Variants in MFSD8 observed in about 807,000 individuals in gnomAD.
MFSD8 encodes the protein major facilitator superfamily domain containing 8.
MFSD8 carries 55 observed loss-of-function variants against 66.4 expected under a neutral mutation model. The observed-to-expected ratio is 0.83, with a 90% CI of 0.67 to 1.04. MFSD8 has a LOEUF of 1.04. Ranked by LOEUF, MFSD8 falls within the 50% of genes least tolerant of loss-of-function variation. The pLI, the probability that MFSD8 is intolerant of heterozygous loss-of-function variation, is 0.00. For missense variants in MFSD8, 550 were observed against 627.6 expected, an observed-to-expected ratio of 0.88 and a Z score of 1.32; for synonymous variants, 202 against 212.8, an observed-to-expected ratio of 0.95 and a Z score of 0.44.
intron 7 of MFSD8, among the ~76,000 whole-genome samples, chr4:127,937,573 T>C (rs1022651455): frequency 6.6e-6 from 1 of 152,208 alleles, no homozygotes; most frequent in Non-Finnish European, 1.5e-5. Flanking sequence ...ACACAAATAT[T>C]GTACCTATGA....
At chr4:127,921,820 A>C in intron 10 of MFSD8, 40 bp downstream of exon 10, 1 of 1,613,638 alleles carries the variant, frequency 6.2e-7, no homozygotes, top group African/African-American at 1.3e-5. Context: ...TTTTAGATAA[A>C]TAACAGAGGT....
At chr4:127,953,424 G>A (rs1268443581) in intron 2 of MFSD8, among the ~76,000 whole-genome samples, 2 of 147,816 alleles carry the variant, frequency 1.4e-5, no homozygotes, top group Non-Finnish European at 3.0e-5. Context: ...GGAGGCTGAG[G>A]TTGCAGTGAG....
At chr4:127,952,824 C>G (rs1413759110) in intron 2 of MFSD8, among the ~76,000 whole-genome samples, 4 of 142,512 alleles carry the variant, frequency 2.8e-5, no homozygotes, top group Non-Finnish European at 6.0e-5. Context: ...GAGCTGAGAT[C>G]GTGCTACTGC....
intron 1 of MFSD8, among the ~76,000 whole-genome samples, chr4:127,964,117 A>G (rs1490026753): frequency 1.3e-5 from 2 of 152,164 alleles, no homozygotes; most frequent in African/African-American, 4.8e-5. Flanking sequence ...ACAATCCCTG[A>G]GCTAGACATA....
intron 11 of MFSD8, 53 bp from the exon 12 acceptor site, chr4:127,920,889 T>A: frequency 6.5e-7 from 1 of 1,544,524 alleles, no homozygotes; most frequent in Non-Finnish European, 8.8e-7. Flanking sequence ...TTTAGTTATT[T>A]AAAAGCAAAG....
intron 6 of MFSD8, 81 bp from the exon 7 acceptor site, chr4:127,938,919 T>C: frequency 9.2e-7 from 1 of 1,085,968 alleles, no homozygotes; most frequent in Non-Finnish European, 1.4e-6. Context: ...GCATTGTATT[T>C]TTTTTCACAT....
At chr4:127,957,694 G>A (rs1290757452) in intron 1 of MFSD8, 102 bp from the exon 2 acceptor site, 15 of 794,488 alleles carry the variant, frequency 1.9e-5, no homozygotes, top group South Asian at 1.3e-4. Flanking sequence ...ATGTGATAGA[G>A]GTAGAATTTA....
intron 5 of MFSD8, among the ~76,000 whole-genome samples, chr4:127,940,722 T>C (rs1006813647): frequency 2.6e-5 from 4 of 151,688 alleles, no homozygotes; most frequent in African/African-American, 9.7e-5. Flanking sequence ...TCTAAAGAAA[T>C]ATGAAGTGGC....
At position 127,949,878 on chromosome 4, in the gene MFSD8, TTATAA is replaced by T. The variant is rs751091952; in HGVS notation, c.155-36_155-32del. 5 of 1,563,564 alleles carry T rather than the reference TTATAA, an allele frequency of 3.2e-6. No homozygotes were observed. In the South Asian group the frequency reaches 5.8e-5, roughly 18 times the overall value. On this transcript the variant is annotated intron_variant, in intron 2 of 11. Transcript: ENST00000641686. ...AAGAAGCAAACTAGGTTATTTATAC[TTATAA>T]TAATTTAATCATTATTACAGATACA...
At chr4:127,960,596 G>C (rs1160155425) in intron 1 of MFSD8, among the ~76,000 whole-genome samples, 1 of 152,080 alleles carries the variant, frequency 6.6e-6, no homozygotes, top group African/African-American at 2.4e-5. Context: ...CAGTGTAGTG[G>C]TATAACAGTT....
intron 7 of MFSD8, among the ~76,000 whole-genome samples, chr4:127,937,912 G>T (rs1047533147): frequency 2.0e-5 from 3 of 152,066 alleles, no homozygotes; most frequent in Admixed American, 6.5e-5. Context: ...GAACTACTGA[G>T]GGCCAGGATC....
chr4:127,961,916 A>G (rs963824391), intron 1 of MFSD8, among the ~76,000 whole-genome samples: 23 of 152,180 alleles, frequency 1.5e-4, no homozygotes, highest in African/African-American at 5.1e-4. Context: ...CTAGTAGGAA[A>G]GACATTTAGC....
intron 5 of MFSD8, 104 bp from the exon 6 acceptor site, chr4:127,940,101 C>CATGATAT: frequency 8.9e-7 from 1 of 1,120,026 alleles, no homozygotes. Context: ...GTTATGGAAT[C>CATGATAT]ATCCTTCTAT....
intron 8 of MFSD8, chr4:127,932,605 T>C (rs1738333686): frequency 6.4e-6 from 1 of 155,614 alleles, no homozygotes; most frequent in Non-Finnish European, 1.4e-5. Flanking sequence ...CAAGGTCAGG[T>C]ATTAAATTGA....
At chr4:127,946,421 G>C (rs1344053931) in intron 3 of MFSD8, among the ~76,000 whole-genome samples, 2 of 152,082 alleles carry the variant, frequency 1.3e-5, no homozygotes, top group Non-Finnish European at 2.9e-5. Context: ...AGAAGACGTT[G>C]CTCCAGAATT....
intron 9 of MFSD8, among the ~76,000 whole-genome samples, chr4:127,927,027 C>A (rs899536397): frequency 2.0e-5 from 3 of 152,124 alleles, no homozygotes; most frequent in African/African-American, 7.2e-5. Flanking sequence ...CTGTATTTGG[C>A]AAATTACATG....
intron 9 of MFSD8, among the ~76,000 whole-genome samples, chr4:127,922,802 C>T (rs942254234): frequency 6.6e-6 from 1 of 152,104 alleles, no homozygotes; most frequent in Non-Finnish European, 1.5e-5. Context: ...AGATTCTCTT[C>T]ATGGTAAGTA....
intron 2 of MFSD8, among the ~76,000 whole-genome samples, chr4:127,954,692 G>T (rs1742566013): frequency 6.6e-6 from 1 of 152,190 alleles, no homozygotes; most frequent in Non-Finnish European, 1.5e-5. Flanking sequence ...GATACATTTA[G>T]CACACTGAAT....
At chr4:127,930,874 A>G in intron 8 of MFSD8, 57 bp from the exon 9 acceptor site, 7 of 1,471,486 alleles carry the variant, frequency 4.8e-6, no homozygotes, top group South Asian at 1.3e-5. Context: ...GTTATACTTA[A>G]AGTGAAGTGT....
Sources: allele counts gnomAD v4.1 joint callset (sites outside exome capture counted in the v4.1 genomes callset), GRCh38; gene constraint gnomAD v4.1.1; transcripts MANE v1.5; gene names NCBI Gene and HGNC (gene_info 2026-07-23, HGNC 2026-07-21).